FANCA: variants seen among roughly 807,000 people sequenced by gnomAD.
FANCA encodes FA complementation group A, also known as Fanconi anemia group A protein.
In FANCA, 236 loss-of-function variants were observed where a neutral mutation model predicts 194.3. That is an observed-to-expected ratio of 1.21 (90% confidence interval 1.09 to 1.35). The LOEUF (loss-of-function observed/expected upper bound fraction) is 1.35. Ranked by LOEUF, FANCA falls within the 40% of genes most tolerant of loss-of-function variation. The pLI is 0.00. For missense variants in FANCA, 2,628 were observed against 1,813.9 expected (o/e 1.45, Z -8.15); for synonymous variants, 1,014 against 715.8 (o/e 1.42, Z -6.65).
chr16:89,738,429 C>T lies in FANCA; in HGVS notation c.*172G>A, dbSNP rs577149121. 608 of 1,377,546 alleles carry T rather than the reference C, an allele frequency of 4.4e-4. 3 individuals are homozygous for T. The Admixed American group carries it at 5.4e-3, about 12-fold the overall frequency. The allele number at this position is 1,377,546 out of a possible 1,614,324, so 85.3% of individuals were successfully genotyped here. ...CTCTGGGACCAGTGGTTTATTTTCC[C>T]GCAAACGCTGAGTGACTCGGGGCCG... On this transcript the variant is annotated 3_prime_UTR_variant, in exon 43 of 43. Transcript: ENST00000389301.
intron 37 of FANCA, among the ~76,000 whole-genome samples, chr16:89,741,933 A>G (rs992228561): frequency 2.0e-5 from 3 of 152,052 alleles, no homozygotes; most frequent in Non-Finnish European, 4.4e-5. Context: ...TGGGCAACAC[A>G]GTGAGACCCC....
At chr16:89,743,879 T>C (rs774441291) in intron 36 of FANCA, among the ~76,000 whole-genome samples, 20 of 151,966 alleles carry the variant, frequency 1.3e-4, no homozygotes, top group Non-Finnish European at 2.6e-4. Flanking sequence ...GTTTGTAGAA[T>C]TAGAACTGGA....
Position 89,768,939 on chromosome 16 carries a change from G to A in FANCA, c.2504+898C>T, listed in dbSNP as rs2039223649. On this transcript the variant is annotated intron_variant, in intron 26 of 42. Transcript: ENST00000389301. ...CAGTACTCAGTGTTTGGGGCCTGGG[G>A]TGAGTGGGGACTGTCTGGTGTGGCC... 2.0e-5 allele frequency among the ~76,000 whole-genome samples: 3 copies of A among 152,124 alleles called. No individual in the cohort carries two copies. The South Asian group carries it at 6.2e-4, about 32-fold the overall frequency.
chr16:89,771,603 C>T, intron 23 of FANCA, 75 bp downstream of exon 23: 1 of 1,527,896 alleles, frequency 6.5e-7, no homozygotes, highest in Non-Finnish European at 9.0e-7. Context: ...TGAGAGAAGG[C>T]TCCATGCGTC....
At chr16:89,816,223 G>C (rs936836712) in intron 1 of FANCA, 7 of 521,010 alleles carry the variant, frequency 1.3e-5, no homozygotes, top group South Asian at 7.7e-5. Context: ...GGCTGGCGAG[G>C]GGCGGCCTCT....
chr16:89,744,540 C>A (rs142861427), intron 36 of FANCA: 10 of 327,422 alleles, frequency 3.1e-5, no homozygotes, highest in South Asian at 2.6e-4. Flanking sequence ...ACGCGGTGCA[C>A]TCTAGGAGCC....
At chr16:89,782,306 T>C (rs1033253512) in intron 17 of FANCA, among the ~76,000 whole-genome samples, 187 of 151,104 alleles carry the variant, frequency 1.2e-3, no homozygotes, top group Non-Finnish European at 2.4e-3. Context: ...GGTCAGGAGA[T>C]TGAGACCATT....
intron 3 of FANCA, among the ~76,000 whole-genome samples, chr16:89,813,205 A>T (rs983678197): frequency 6.6e-6 from 1 of 151,962 alleles, no homozygotes; most frequent in Non-Finnish European, 1.5e-5. Flanking sequence ...GCTTGAGCTC[A>T]GGAGTTTGAG....
chr16:89,793,901 C>A (rs2040159387), intron 11 of FANCA, among the ~76,000 whole-genome samples: 1 of 152,198 alleles, frequency 6.6e-6, no homozygotes, highest in Admixed American at 6.5e-5. Context: ...CAGGCGCCCA[C>A]CACCACGCCC....
At chr16:89,775,235 T>C (rs891797939) in intron 21 of FANCA, among the ~76,000 whole-genome samples, 3 of 152,166 alleles carry the variant, frequency 2.0e-5, no homozygotes, top group Admixed American at 6.5e-5. Context: ...CTCCCACTGC[T>C]GCCTGAGTGC....
chr16:89,812,409 G>A (rs1381854758), intron 3 of FANCA, among the ~76,000 whole-genome samples: 2 of 151,910 alleles, frequency 1.3e-5, no homozygotes, highest in African/African-American at 4.8e-5. Flanking sequence ...CACTTTGGGA[G>A]GCCGAGGCGG....
chr16:89,739,114 G>C lies in FANCA; in HGVS notation c.4167+19C>G. 1 of 1,614,060 alleles carries C rather than the reference G, an allele frequency of 6.2e-7. No individual in the cohort carries two copies. Among genetic ancestry groups the C allele is most frequent in the South Asian group, 1.1e-5 (1 of 91,080 alleles). ...CTGGGGGGAGCTCCCCTGGAGGTGG[G>C]ACTGGCCCTTGCACCTGCCTGACCC... On this transcript the variant is annotated intron_variant, in intron 41 of 42. Coordinates refer to ENST00000389301, the MANE Select transcript of FANCA (RefSeq NM_000135.4).
intron 11 of FANCA, chr16:89,792,812 A>G (rs1407454137): frequency 7.2e-6 from 3 of 414,010 alleles, no homozygotes; most frequent in African/African-American, 4.1e-5. Flanking sequence ...GGGGCAGGGT[A>G]AAGAGTGTGA....
At chr16:89,745,803 G>C (rs934995481) in intron 35 of FANCA, among the ~76,000 whole-genome samples, 1 of 151,710 alleles carries the variant, frequency 6.6e-6, no homozygotes, top group African/African-American at 2.4e-5. Context: ...TCTGAGCTGG[G>C]AACGAAACAG....
At chr16:89,812,647 A>AAAAAAAAAAAAAAAAAAC (rs2040934278) in intron 3 of FANCA, among the ~76,000 whole-genome samples, 2 of 78,442 alleles carry the variant, frequency 2.5e-5, no homozygotes, top group Non-Finnish European at 4.4e-5. Flanking sequence ...ACTCCGTCTC[A>AAAAAAAAAAAAAAAAAAC]AAAAAAAAAA....
chr16:89,805,943 G>A (rs1189324850), intron 6 of FANCA, among the ~76,000 whole-genome samples: 1 of 146,400 alleles, frequency 6.8e-6, no homozygotes, highest in Non-Finnish European at 1.5e-5. Flanking sequence ...AAACAGTTTT[G>A]CTCTTGTCAT....
chr16:89,796,796 G>C (rs995072310), intron 10 of FANCA, among the ~76,000 whole-genome samples: 1 of 152,182 alleles, frequency 6.6e-6, no homozygotes, highest in Non-Finnish European at 1.5e-5. Context: ...GCTGAGGCGG[G>C]CAGATCACAA....
chr16:89,802,707 A>T (rs537435409), intron 8 of FANCA, among the ~76,000 whole-genome samples: 1 of 152,036 alleles, frequency 6.6e-6, no homozygotes, highest in Non-Finnish European at 1.5e-5. Context: ...CCGGCCAGCT[A>T]TTCTTTTTTT....
chr16:89,780,748 G>A (rs938776379), intron 17 of FANCA, among the ~76,000 whole-genome samples: 8 of 152,020 alleles, frequency 5.3e-5, no homozygotes, highest in South Asian at 4.2e-4. Flanking sequence ...CGGCCACACA[G>A]GGAGACCCTA....
Sources: gnomAD v4.1 joint callset for allele counts (sites outside exome capture counted in the v4.1 genomes callset) on GRCh38, gnomAD v4.1.1 for gene constraint, MANE v1.5 for transcripts, NCBI Gene and HGNC (gene_info 2026-07-23, HGNC 2026-07-21) for gene names.